TIMP1: variants seen among roughly 807,000 people sequenced by gnomAD.
TIMP1 encodes metalloproteinase inhibitor 1.
TIMP1 carries 5 observed loss-of-function variants against 13.7 expected under a neutral mutation model. The ratio of observed to expected loss-of-function variants is 0.36; its 90% CI spans 0.19 to 0.76. TIMP1 has a LOEUF of 0.76. Ranked by LOEUF, TIMP1 falls within the 30% of genes least tolerant of loss-of-function variation. The pLI is 0.51. For missense variants in TIMP1, 131 were observed against 168.4 expected (o/e 0.78, Z 1.23); for synonymous variants, 63 against 67.1 (o/e 0.94, Z 0.30).
At position 47,585,682 on chromosome X, in the gene TIMP1, C is replaced by G. The variant is rs1216785117; in HGVS notation, c.453+15C>G. Reference sequence around the variant, plus strand: ...AGGAATGCACAGTGAGTGCCTGGACCCTGACCTCCAACGGGAGATCCTTCC... The same window carrying G: ...AGGAATGCACAGTGAGTGCCTGGACGCTGACCTCCAACGGGAGATCCTTCC... On this transcript the variant is annotated intron_variant, in intron 5 of 5. Transcript: ENST00000218388. 10 of 1,208,943 alleles carry G rather than the reference C, an allele frequency of 8.3e-6. No individual in the cohort carries two copies. The highest frequency in any genetic ancestry group is 1.1e-5 in the Non-Finnish European group (10 of 894,265).
In TIMP1 at chrX:47,583,467, A is replaced by G; in HGVS notation, c.52A>G (p.Ile18Val). 2.5e-6 allele frequency: 3 copies of G among 1,207,762 alleles called. No individual in the cohort carries two copies. Among genetic ancestry groups the G allele is most frequent in the Non-Finnish European group, 3.4e-6 (3 of 893,723 alleles). The part of the protein sequence containing the change: ...ASGILLLLWL[I>V]APSRACTCVP... ...TGGCATCCTGTTGTTGCTGTGGCTG[A>G]TAGCCCCCAGCAGGGCCTGCACCTG... Residue 18 changes from isoleucine (I) to valine (V), a missense_variant, in exon 2 of 6, where the codon ATA becomes GTA. Ile to Val is a conservative substitution (Grantham distance 29). Coordinates refer to ENST00000218388, the MANE Select transcript of TIMP1 (RefSeq NM_003254.3).
intron 5 of TIMP1, 115 bp from the exon 6 acceptor site, chrX:47,586,406 T>C (rs1315159750): frequency 9.0e-7 from 1 of 1,112,531 alleles, no homozygotes; most frequent in African/African-American, 1.8e-5. Context: ...TGTACTTAGG[T>C]GGGGTGAGAG....
intron 5 of TIMP1, 133 bp downstream of exon 5, chrX:47,585,800 G>C (rs2057822969): frequency 1.7e-6 from 2 of 1,155,920 alleles, no homozygotes; most frequent in Non-Finnish European, 2.3e-6. Flanking sequence ...GGCTGTCCCT[G>C]ATCTCTCTTG....
At chrX:47,586,301 C>T in intron 5 of TIMP1, 3 of 754,609 alleles carry the variant, frequency 4.0e-6, no homozygotes, top group Non-Finnish European at 4.7e-6. Context: ...GGGCCTATTC[C>T]CCAGCCACCA....
At chrX:47,585,060 C>A in intron 3 of TIMP1, 45 bp downstream of exon 3, 4 of 1,191,427 alleles carry the variant, frequency 3.4e-6, no homozygotes, top group Admixed American at 2.3e-5. Context: ...CTAACATCTT[C>A]CTCCTGGTCA....
chrX:47,585,118 T>A lies in TIMP1; in HGVS notation c.202-87T>A, dbSNP rs763221514. 3.8e-5 allele frequency: 44 copies of A among 1,165,905 alleles called. No homozygotes were observed. The East Asian group carries it at 1.3e-3, about 34-fold the overall frequency. Reference sequence around the variant, plus strand: ...GTTGGTGCGAGAAAGTTGGCTGTGATCTTGGGATGCTATATGACTTCAGGG... The same window carrying A: ...GTTGGTGCGAGAAAGTTGGCTGTGAACTTGGGATGCTATATGACTTCAGGG... On this transcript the variant is annotated intron_variant, in intron 3 of 5. Transcript: ENST00000218388.
chrX:47,583,841 G>T (rs66577096), intron 2 of TIMP1, among the ~76,000 whole-genome samples: 6,219 of 111,268 alleles, frequency 0.056, 454 homozygotes, highest in African/African-American at 0.19. Context: ...TTTAACCCCT[G>T]CCCCTTAGTA....
At chrX:47,582,844 A>G (rs1379040628) in intron 1 of TIMP1, among the ~76,000 whole-genome samples, 1 of 43,983 alleles carries the variant, frequency 2.3e-5, no homozygotes, top group Non-Finnish European at 4.2e-5. Context: ...CCCAATCCCC[A>G]GTTCCCCAGC....
intron 3 of TIMP1, 55 bp downstream of exon 3, chrX:47,585,070 A>G: frequency 1.7e-6 from 2 of 1,189,978 alleles, no homozygotes; most frequent in Non-Finnish European, 2.3e-6. Flanking sequence ...CCTCCTGGTC[A>G]AAACAGAAAC....
At chrX:47,582,744 C>T (rs1569324916) in intron 1 of TIMP1, among the ~76,000 whole-genome samples, 3 of 85,974 alleles carry the variant, frequency 3.5e-5, no homozygotes, top group Admixed American at 2.9e-4. Flanking sequence ...TTTCCAAATC[C>T]CCCCGCAAAT....
chrX:47,585,001 A>T lies in TIMP1; in HGVS notation c.187A>T (p.Ile63Phe). 8.3e-7 allele frequency: 1 copy of T among 1,210,764 alleles called. No individual in the cohort carries two copies. Among genetic ancestry groups the T allele is most frequent in the Non-Finnish European group, 1.1e-6 (1 of 895,144 alleles). ...NQTTLYQRYE[I>F]KMTKMYKGFQ... ...GACCACCTTATACCAGCGTTATGAG[A>T]TCAAGATGACCAAGGTATCCCCTGC... The change falls in exon 3 of 6, where the codon ATC (isoleucine) becomes TTC (phenylalanine). Residue 63 changes from isoleucine (I) to phenylalanine (F), a missense_variant. Ile to Phe is a conservative substitution (Grantham distance 21). Coordinates refer to ENST00000218388, the MANE Select transcript of TIMP1 (RefSeq NM_003254.3).
At chrX:47,585,886 C>T (rs1306912419) in intron 5 of TIMP1, 7 of 1,136,065 alleles carry the variant, frequency 6.2e-6, no homozygotes, top group Non-Finnish European at 7.0e-6. Flanking sequence ...ACCGTGTGAT[C>T]ACCTGTCCCT....
At chrX:47,583,666 G>A in intron 2 of TIMP1, 130 bp downstream of exon 2, 1 of 770,811 alleles carries the variant, frequency 1.3e-6, no homozygotes, top group Non-Finnish European at 1.8e-6. Context: ...TAGCCACACT[G>A]GCATCCTCAC....
chrX:47,583,349 C>T, intron 1 of TIMP1, 59 bp from the exon 2 acceptor site: 1 of 1,128,610 alleles, frequency 8.9e-7, no homozygotes, highest in Admixed American at 2.5e-5. Context: ...GGTGGATGAC[C>T]TGCCCAGGTC....
At chrX:47,584,898 G>A in intron 2 of TIMP1, 38 bp from the exon 3 acceptor site, 1 of 1,115,788 alleles carries the variant, frequency 9.0e-7, no homozygotes, top group Non-Finnish European at 1.2e-6. Flanking sequence ...ATTGGCTCAT[G>A]CAGTCCATTT....
At chrX:47,585,719 C>T (rs367699433) in intron 5 of TIMP1, 52 bp downstream of exon 5, 3 of 1,197,181 alleles carry the variant, frequency 2.5e-6, no homozygotes, top group Non-Finnish European at 3.4e-6. Flanking sequence ...GGGGCCATTC[C>T]CTAAATCGTG....
rs769442128 is a variant in TIMP1 at position 47,585,379 on chromosome X, G to A, written c.328+48G>A. The A allele has an allele frequency of 5.8e-5, 70 of 1,205,069 alleles. No homozygotes were observed. In the East Asian group the frequency reaches 1.8e-3, roughly 32 times the overall value. ...TGTGCCACACCAACCAGTCCCTGGG[G>A]CGCGGCCTAGCAACCACGAGGGGGC... is the stretch of plus-strand genomic sequence containing the variant. On this transcript the variant is annotated intron_variant, in intron 4 of 5. Transcript: ENST00000218388.
In TIMP1 at chrX:47,583,431, C is replaced by A; in HGVS notation, c.16C>A (p.Pro6Thr). The change falls in exon 2 of 6, where the codon CCC (proline) becomes ACC (threonine). Residue 6 changes from proline to threonine, a missense_variant. Transcript: ENST00000218388. ...AGAACCCACCATGGCCCCCTTTGAG[C>A]CCCTGGCTTCTGGCATCCTGTTGTT... MAPFE[P>T]LASGILLLLW... is the part of the protein sequence containing the mutation. 1 of 1,206,288 alleles carries A rather than the reference C, an allele frequency of 8.3e-7. No homozygotes were observed. The highest frequency in any genetic ancestry group is 1.8e-5 in the South Asian group (1 of 56,299).
In TIMP1 at chrX:47,585,094, T is replaced by C. The variant is rs776355142; in HGVS notation, c.201+79T>C. On this transcript the variant is annotated intron_variant, in intron 3 of 5. Transcript: ENST00000218388. ...CAAAACAGAAACTTCTGGCCACTGG[T>C]TGGTGCGAGAAAGTTGGCTGTGATC... The C allele has an allele frequency of 9.4e-6, 11 of 1,170,426 alleles. No individual in the cohort carries two copies. In the Admixed American group the frequency reaches 1.6e-4, roughly 18 times the overall value.
Sources: allele counts gnomAD v4.1 joint callset (sites outside exome capture counted in the v4.1 genomes callset), GRCh38; gene constraint gnomAD v4.1.1; transcripts MANE v1.5; gene names NCBI Gene and HGNC (gene_info 2026-07-23, HGNC 2026-07-21).